CDC42SE2: variants seen among roughly 807,000 people sequenced by gnomAD.
CDC42SE2 encodes the protein CDC42 small effector 2, also known as CDC42 small effector protein 2.
Under a neutral mutation model 11.5 loss-of-function variants are expected in CDC42SE2, and 3 were observed. The observed-to-expected ratio is 0.26, with a 90% CI of 0.12 to 0.67. CDC42SE2 has a LOEUF of 0.67. CDC42SE2 is among the 30% of genes least tolerant of loss of function. The pLI is 0.80. For synonymous variants in CDC42SE2, 33 were observed against 34.8 expected, an observed-to-expected ratio of 0.95 and a Z score of 0.18; for missense variants, 82 against 106.8, an observed-to-expected ratio of 0.77 and a Z score of 1.02.
intron 1 of CDC42SE2, among the ~76,000 whole-genome samples, chr5:131,297,026 A>C (rs1757582931): frequency 1.3e-5 from 2 of 152,134 alleles, no homozygotes; most frequent in Non-Finnish European, 2.9e-5. Flanking sequence ...TGTTTTCTCT[A>C]AGTTGTAAAA....
intron 1 of CDC42SE2, among the ~76,000 whole-genome samples, chr5:131,266,346 G>A (rs1756861564): frequency 6.6e-6 from 1 of 151,740 alleles, no homozygotes; most frequent in African/African-American, 2.4e-5. Context: ...TTGTATTTAA[G>A]TGGGCTGTTT....
At chr5:131,385,480 A>T in intron 3 of CDC42SE2, 63 bp from the exon 4 acceptor site, 1 of 1,181,030 alleles carries the variant, frequency 8.5e-7, no homozygotes, top group Non-Finnish European at 1.2e-6. Context: ...ATAGTATAAA[A>T]ATCCATCAGA....
upstream of CDC42SE2, among the ~76,000 whole-genome samples, chr5:131,261,052 TTA>T (rs1756720898): frequency 6.6e-6 from 1 of 152,260 alleles, no homozygotes; most frequent in African/African-American, 2.4e-5. Flanking sequence ...AATGTGGCTG[TTA>T]TATGAGCTCA....
chr5:131,363,057 C>A (rs1749755464), intron 3 of CDC42SE2, among the ~76,000 whole-genome samples: 1 of 151,800 alleles, frequency 6.6e-6, no homozygotes, highest in South Asian at 2.1e-4. Flanking sequence ...GGCAGGAGAA[C>A]TGCTTGAACC....
At chr5:131,373,359 G>A (rs1386111820) in intron 3 of CDC42SE2, among the ~76,000 whole-genome samples, 1 of 152,148 alleles carries the variant, frequency 6.6e-6, no homozygotes, top group African/African-American at 2.4e-5. Context: ...GCCTAACTGC[G>A]TACAGAGGGG....
chr5:131,264,619 C>T (rs1404389953), intron 1 of CDC42SE2, among the ~76,000 whole-genome samples: 2 of 152,206 alleles, frequency 1.3e-5, no homozygotes, highest in Non-Finnish European at 2.9e-5. Flanking sequence ...GGAGCTCCGA[C>T]TCTTCGCCTG....
intron 1 of CDC42SE2, among the ~76,000 whole-genome samples, chr5:131,309,006 G>A (rs1283511567): frequency 1.3e-5 from 2 of 149,534 alleles, no homozygotes; most frequent in Admixed American, 1.3e-4. Flanking sequence ...GTGAGAGAGG[G>A]CATCCCTGTC....
chr5:131,272,458 A>G (rs1757013630), intron 1 of CDC42SE2, among the ~76,000 whole-genome samples: 1 of 152,094 alleles, frequency 6.6e-6, no homozygotes, highest in African/African-American at 2.4e-5. Context: ...GTTAAAAATG[A>G]AAGCGATCAG....
At chr5:131,362,944 C>T (rs980220656) in intron 3 of CDC42SE2, among the ~76,000 whole-genome samples, 4 of 151,840 alleles carry the variant, frequency 2.6e-5, no homozygotes, top group Non-Finnish European at 4.4e-5. Context: ...CTCAGGAGTT[C>T]GAGACCAGCC....
intron 1 of CDC42SE2, among the ~76,000 whole-genome samples, chr5:131,304,130 A>C (rs908634175): frequency 6.6e-6 from 1 of 151,622 alleles, no homozygotes; most frequent in Non-Finnish European, 1.5e-5. Flanking sequence ...AGGCTAATTT[A>C]TTATTATTTT....
rs184628990 is a variant in CDC42SE2, at chr5:131,342,962, T to C, written c.-285-16247T>C. Among the ~76,000 whole-genome samples the C allele has an allele frequency of 7.9e-5, 12 of 152,154 alleles. No individual in the cohort carries two copies. In the East Asian group the frequency reaches 2.1e-3, roughly 27 times the overall value. On this transcript the variant is annotated intron_variant, in intron 2 of 4. Coordinates refer to ENST00000505065, the MANE Select transcript of CDC42SE2 (RefSeq NM_001375635.1). The stretch of plus-strand genomic sequence containing the variant: ...TCCTGACCTCAGGTGATCCACCCAC[T>C]TCAGCTTTCCAATGTGTATATTCAC...
chr5:131,352,954 ATTATCAACTGCTCATTG>A (rs1166457049), intron 2 of CDC42SE2, among the ~76,000 whole-genome samples: 1 of 151,900 alleles, frequency 6.6e-6, no homozygotes, highest in African/African-American at 2.4e-5. Flanking sequence ...TCAATTCATT[ATTATCAACTGCTCATTG>A]TTAGTTTTTT....
intron 1 of CDC42SE2, among the ~76,000 whole-genome samples, chr5:131,304,516 A>G (rs1429534291): frequency 6.6e-6 from 1 of 152,202 alleles, no homozygotes; most frequent in African/African-American, 2.4e-5. Context: ...ACACTCATTG[A>G]ATGATTATAG....
chr5:131,337,106 CT>C (rs1448686082), intron 2 of CDC42SE2, among the ~76,000 whole-genome samples: 3 of 152,102 alleles, frequency 2.0e-5, no homozygotes, highest in African/African-American at 7.2e-5. Context: ...GTTTTATCTA[CT>C]TTTGGTCTTT....
intron 2 of CDC42SE2, among the ~76,000 whole-genome samples, chr5:131,335,975 G>T (rs919426481): frequency 3.5e-4 from 54 of 152,260 alleles, no homozygotes; most frequent in Admixed American, 5.9e-4. Flanking sequence ...TACATTTAAG[G>T]TTAGTATTGT....
chr5:131,286,393 T>TTTG (rs1554095543), intron 1 of CDC42SE2, among the ~76,000 whole-genome samples: 60 of 149,568 alleles, frequency 4.0e-4, no homozygotes, highest in Middle Eastern at 3.4e-3. Context: ...CAGTTTTTTT[T>TTTG]TTTTTTTTTT....
chr5:131,351,585 TAA>T (rs1251084801), intron 2 of CDC42SE2, among the ~76,000 whole-genome samples: 15 of 152,236 alleles, frequency 9.9e-5, no homozygotes, highest in Non-Finnish European at 1.2e-4. Flanking sequence ...GGTGCTAAAT[TAA>T]TCTGATAAGA....
chr5:131,318,746 CA>C (rs2149731418), intron 2 of CDC42SE2, among the ~76,000 whole-genome samples: 1 of 152,278 alleles, frequency 6.6e-6, no homozygotes, highest in Admixed American at 6.5e-5. Context: ...TTTTGTCTTA[CA>C]TTTTTGTGAA....
intron 1 of CDC42SE2, among the ~76,000 whole-genome samples, chr5:131,278,886 G>A (rs1456341665): frequency 4.2e-5 from 6 of 141,656 alleles, no homozygotes; most frequent in Non-Finnish European, 9.1e-5. Context: ...CTAGGTTCAA[G>A]TGATTCTCCT....
Sources: allele counts gnomAD v4.1 joint callset (sites outside exome capture counted in the v4.1 genomes callset), GRCh38; gene constraint gnomAD v4.1.1; transcripts MANE v1.5; gene names NCBI Gene and HGNC (gene_info 2026-07-23, HGNC 2026-07-21).